The following ATAD1 variants were observed in gnomAD, a reference collection of about 807,000 sequenced individuals.
ATAD1 encodes ATPase family AAA domain containing 1, also known as outer mitochondrial transmembrane helix translocase.
A neutral mutation model predicts 42.7 loss-of-function variants in ATAD1; 18 were observed. That is an observed-to-expected ratio of 0.42 (90% CI 0.29 to 0.63). The LOEUF is 0.63. Ranked by LOEUF, ATAD1 falls within the 20% of genes least tolerant of loss-of-function variation. ATAD1 has a pLI of 0.19. For synonymous variants in ATAD1, 132 were observed against 143.1 expected (o/e 0.92, Z 0.55); for missense variants, 294 against 440.4 (o/e 0.67, Z 2.98).
intron 5 of ATAD1, among the ~76,000 whole-genome samples, chr10:87,777,646 C>T (rs942549042): frequency 6.6e-6 from 1 of 151,578 alleles, no homozygotes; most frequent in Non-Finnish European, 1.5e-5. Flanking sequence ...GTACAATCCC[C>T]ATTTCAAATG....
chr10:87,817,896 T>A, intron 1 of ATAD1: 1 of 985,446 alleles, frequency 1.0e-6, no homozygotes, highest in South Asian at 4.7e-5. Context: ...AAAGATTCCC[T>A]CGGGAATGGC....
chr10:87,790,738 T>G (rs1336212479), intron 3 of ATAD1, among the ~76,000 whole-genome samples: 4 of 152,172 alleles, frequency 2.6e-5, no homozygotes, highest in Admixed American at 2.6e-4. Flanking sequence ...GCAAGAATAC[T>G]GAGAACCAGC....
Position 87,832,531 on chromosome 10 carries a change from A to G in ATAD1, c.-14+8656T>C, listed in dbSNP as rs536003029. ...ATGTTGATTAATCTAGCTTTATAGT[A>G]CAACCTAAAATCAGGTAGTTTGATT... On this transcript the variant is annotated intron_variant, in intron 1 of 4. Transcript: ENST00000495903. Among the ~76,000 whole-genome samples the G allele has an allele frequency of 3.9e-5, 6 of 152,060 alleles. 1 individual carries two copies. In the South Asian group the frequency reaches 1.2e-3, roughly 32 times the overall value.
chr10:87,771,911 T>C (rs1855049459), intron 6 of ATAD1, among the ~76,000 whole-genome samples: 1 of 152,180 alleles, frequency 6.6e-6, no homozygotes, highest in Admixed American at 6.5e-5. Context: ...AATTTATTGG[T>C]ATTCCATGGA....
intron 6 of ATAD1, among the ~76,000 whole-genome samples, chr10:87,771,315 C>T (rs894369474): frequency 2.6e-5 from 4 of 152,072 alleles, no homozygotes; most frequent in African/African-American, 4.8e-5. Context: ...CAAATAGCCA[C>T]TGAAAAATTA....
At chr10:87,837,023 C>A in intron 1 of ATAD1, among the ~76,000 whole-genome samples, 1 of 152,048 alleles carries the variant, frequency 6.6e-6, no homozygotes, top group East Asian at 1.9e-4. Context: ...ATTTCAATTT[C>A]ATTTTTTTAT....
intron 1 of ATAD1, chr10:87,817,965 G>C (rs1234087136): frequency 3.0e-6 from 3 of 985,490 alleles, no homozygotes; most frequent in African/African-American, 3.5e-5. Flanking sequence ...CGGACGCCAA[G>C]GCGAGGCCCG....
intron 4 of ATAD1, 119 bp downstream of exon 4, chr10:87,790,191 C>A (rs1856029023): frequency 1.7e-6 from 2 of 1,181,644 alleles, no homozygotes; most frequent in Non-Finnish European, 2.4e-6. Context: ...AAACTGTTCA[C>A]ATAGATCTCA....
At chr10:87,831,888 C>T (rs1339349070) in intron 1 of ATAD1, among the ~76,000 whole-genome samples, 1 of 151,896 alleles carries the variant, frequency 6.6e-6, no homozygotes, top group African/African-American at 2.4e-5. Flanking sequence ...TTCTCATAAA[C>T]CTGTAGTAAG....
intron 1 of ATAD1, among the ~76,000 whole-genome samples, chr10:87,836,170 G>C (rs1323073230): frequency 6.6e-6 from 1 of 152,048 alleles, no homozygotes; most frequent in Non-Finnish European, 1.5e-5. Flanking sequence ...CTGTCACCAA[G>C]GCTGGAGAGC....
At chr10:87,766,894 T>A (rs1326651109) in intron 8 of ATAD1, among the ~76,000 whole-genome samples, 1 of 152,072 alleles carries the variant, frequency 6.6e-6, no homozygotes, top group Non-Finnish European at 1.5e-5. Context: ...ATACATACTT[T>A]AATTTTTGAA....
At chr10:87,765,538 A>G (rs1299169558) in intron 8 of ATAD1, among the ~76,000 whole-genome samples, 2 of 152,134 alleles carry the variant, frequency 1.3e-5, no homozygotes, top group East Asian at 3.9e-4. Flanking sequence ...CAACTTGGAA[A>G]AAAATATTTT....
At chr10:87,791,458 A>G (rs1023363286) in intron 3 of ATAD1, among the ~76,000 whole-genome samples, 1 of 152,042 alleles carries the variant, frequency 6.6e-6, no homozygotes, top group Non-Finnish European at 1.5e-5. Flanking sequence ...CAGATCTGAA[A>G]AAAAAAATAA....
At chr10:87,809,017 C>A (rs1179814218) in intron 2 of ATAD1, among the ~76,000 whole-genome samples, 5 of 152,074 alleles carry the variant, frequency 3.3e-5, no homozygotes, top group African/African-American at 1.2e-4. Flanking sequence ...GTTCTATGGG[C>A]CTGAAGTTTT....
At chr10:87,833,617 T>A (rs1377218492) in intron 1 of ATAD1, among the ~76,000 whole-genome samples, 1 of 152,026 alleles carries the variant, frequency 6.6e-6, no homozygotes, top group Non-Finnish European at 1.5e-5. Context: ...ATGACCTTTA[T>A]GAGGTTGTGA....
chr10:87,809,220 C>T (rs1042085889), intron 2 of ATAD1, among the ~76,000 whole-genome samples: 1 of 152,160 alleles, frequency 6.6e-6, no homozygotes, highest in Admixed American at 6.5e-5. Context: ...CCCCAACACA[C>T]TCAAAAATCC....
intron 1 of ATAD1, among the ~76,000 whole-genome samples, chr10:87,828,560 C>T (rs922527795): frequency 6.6e-6 from 1 of 152,192 alleles, no homozygotes; most frequent in Non-Finnish European, 1.5e-5. Flanking sequence ...GCAGCAAGTG[C>T]TAATGGAGAA....
At chr10:87,767,845 A>G in intron 7 of ATAD1, 122 bp from the exon 8 acceptor site, 4 of 940,328 alleles carry the variant, frequency 4.3e-6, no homozygotes, top group Non-Finnish European at 6.3e-6. Context: ...GAGATGACAG[A>G]AACTTTGAAG....
Position 87,797,891 on chromosome 10 carries a change from T to C in ATAD1, c.163-5136A>G, listed in dbSNP as rs138930429. 5.9e-5 allele frequency among the ~76,000 whole-genome samples: 9 copies of C among 152,292 alleles called. No homozygotes were observed. The East Asian group carries it at 1.7e-3, about 29-fold the overall frequency. On this transcript the variant is annotated intron_variant, in intron 2 of 9. Coordinates refer to ENST00000680024, the MANE Select transcript of ATAD1 (RefSeq NM_001321967.2). ...CACATTTGTGTGAGGAACTGAACTG[T>C]TGTTTTTGCAGGTAAATGACAGATT...
Sources: allele counts gnomAD v4.1 joint callset (sites outside exome capture counted in the v4.1 genomes callset), GRCh38; gene constraint gnomAD v4.1.1; transcripts MANE v1.5; gene names NCBI Gene and HGNC (gene_info 2026-07-23, HGNC 2026-07-21).